The following NOL11 variants were observed in gnomAD, a reference collection of about 807,000 sequenced individuals.
NOL11 encodes nucleolar protein 11.
NOL11 carries 42 observed loss-of-function variants against 93.0 expected under a neutral mutation model. The observed-to-expected ratio is 0.45, with a 90% CI of 0.35 to 0.58. The LOEUF (loss-of-function observed/expected upper bound fraction) is 0.58, where lower values mean the gene tolerates loss of function less well. NOL11 is among the 20% of genes least tolerant of loss of function. The pLI, the probability that NOL11 is intolerant of heterozygous loss-of-function variation, is 0.00. For synonymous variants in NOL11, 296 were observed against 293.7 expected, an observed-to-expected ratio of 1.01 and a Z score of -0.08; for missense variants, 775 against 841.8, an observed-to-expected ratio of 0.92 and a Z score of 0.98.
chr17:67,743,399 GTTTA>G (rs1461962303), intron 16 of NOL11, 76 bp from the exon 17 acceptor site: 3 of 579,292 alleles, frequency 5.2e-6, no homozygotes, highest in East Asian at 5.9e-5. Flanking sequence ...TCTCATAACT[GTTTA>G]TTTATGGACT....
chr17:67,719,561 T>C (rs1334156392), intron 1 of NOL11, 113 bp from the exon 2 acceptor site: 2 of 608,628 alleles, frequency 3.3e-6, no homozygotes, highest in Non-Finnish European at 5.7e-6. Context: ...CCTCGGCCAG[T>C]AAATTTTTTA....
chr17:67,730,922 C>T (rs2055148616), intron 7 of NOL11, among the ~76,000 whole-genome samples: 1 of 152,228 alleles, frequency 6.6e-6, no homozygotes, highest in African/African-American at 2.4e-5. Flanking sequence ...TGCATTCTTG[C>T]TCACACGTGG....
intron 1 of NOL11, among the ~76,000 whole-genome samples, chr17:67,718,382 A>G (rs887154904): frequency 6.6e-5 from 10 of 152,128 alleles, no homozygotes; most frequent in Non-Finnish European, 1.3e-4. Context: ...GGCCTTGCTA[A>G]GATTCCCTCC....
rs1019222989 is a variant in NOL11, at chr17:67,729,605, G to T, written c.853+2957G>T. Reference sequence around the variant, plus strand: ...AATACTTTTTTTTTTTTGAGGCAGAGTCTTGCTCTGTCTCCCAGGCTGGAG... The same window carrying T: ...AATACTTTTTTTTTTTTGAGGCAGATTCTTGCTCTGTCTCCCAGGCTGGAG... On this transcript the variant is annotated intron_variant, in intron 7 of 17. Transcript: ENST00000253247. Among the ~76,000 whole-genome samples, 6 of 151,186 alleles carry T rather than the reference G, an allele frequency of 4.0e-5. No individual in the cohort carries two copies. In the East Asian group the frequency reaches 1.2e-3, roughly 30 times the overall value.
At chr17:67,727,547 C>G (rs1269199624) in intron 7 of NOL11, among the ~76,000 whole-genome samples, 5 of 152,230 alleles carry the variant, frequency 3.3e-5, no homozygotes, top group South Asian at 4.1e-4. Flanking sequence ...ATCCCAGCTA[C>G]TCAGGGGGCT....
At position 67,737,129 on chromosome 17, in the gene NOL11, T is replaced by G; in HGVS notation, c.1202T>G (p.Leu401Arg). The part of the protein sequence containing the change: ...LQPEVPPSKQ[L>R]LSTIMKDSEK... ...CCAGAGGTTCCACCATCCAAACAAC[T>G]TTTGTCAACCATAATGGTAAATAAA... is the stretch of plus-strand genomic sequence containing the variant. Residue 401 changes from leucine to arginine, a missense_variant, in exon 11 of 18, where the codon CTT becomes CGT. Leu to Arg is a moderately radical substitution (Grantham distance 102). Transcript: ENST00000253247. 1.2e-6 allele frequency: 2 copies of G among 1,607,348 alleles called. No homozygotes were observed. Among genetic ancestry groups the G allele is most frequent in the African/African-American group, 2.7e-5 (2 of 74,944 alleles).
intron 11 of NOL11, 45 bp downstream of exon 11, chr17:67,737,190 C>T: frequency 1.7e-6 from 2 of 1,172,120 alleles, no homozygotes; most frequent in Non-Finnish European, 2.6e-6. Context: ...CTCAAGTGTT[C>T]CAAAGAAATC....
rs747331649 is a variant in NOL11, at chr17:67,738,085, A to G, written c.1530-37A>G. On this transcript the variant is annotated intron_variant, in intron 13 of 17. Transcript: ENST00000253247. ...TGAAATTTTTCCCAAAAGCTTGGTG[A>G]TAAGGATTAACCTCTTGCTTTCAAC... The G allele has an allele frequency of 1.9e-6, 3 of 1,559,092 alleles. No homozygotes were observed. In the South Asian group the frequency reaches 3.5e-5, roughly 18 times the overall value.
rs1353381494 is a variant in NOL11, at chr17:67,724,142, A to C, written c.613A>C (p.Lys205Gln). 1 of 1,592,618 alleles carries C rather than the reference A, an allele frequency of 6.3e-7. No homozygotes were observed. Among genetic ancestry groups the C allele is most frequent in the East Asian group, 2.2e-5 (1 of 44,738 alleles). ...TGGACAAGACGAAAACTCTGTTATA[A>C]AGAGTTTTACTGCATCTGTAGATCG... ...LLGQDENSVI[K>Q]SFTASVDRKF... Residue 205 changes from lysine (K) to glutamine (Q), a missense_variant, in exon 6 of 18, where the codon AAG becomes CAG. Around this residue, in one of 2 missense-constraint regions of NOL11, gnomAD observed 359 missense variants for 316.5 expected, o/e 1.13. Transcript: ENST00000253247.
chr17:67,726,711 T>C, intron 7 of NOL11, 63 bp downstream of exon 7: 1 of 1,219,818 alleles, frequency 8.2e-7, no homozygotes, highest in South Asian at 1.9e-5. Context: ...TACCTTTTAG[T>C]CTTCCTTTTC....
chr17:67,726,403 T>C (rs1165684612), intron 6 of NOL11, 57 bp from the exon 7 acceptor site: 1 of 1,400,180 alleles, frequency 7.1e-7, no homozygotes, highest in East Asian at 2.5e-5. Flanking sequence ...TACATTTAAC[T>C]GTAATAGATA....
At chr17:67,739,905 C>T (rs114078234) in intron 16 of NOL11, among the ~76,000 whole-genome samples, 3,849 of 152,246 alleles carry the variant, frequency 0.025, 145 homozygotes, top group African/African-American at 0.087. Context: ...CAGGAAGGGG[C>T]TGATAATATA....
chr17:67,738,411 C>A, intron 14 of NOL11, 56 bp downstream of exon 14: 3 of 1,097,408 alleles, frequency 2.7e-6, no homozygotes, highest in South Asian at 1.4e-5. Context: ...TAGTTATATG[C>A]CAAGCAGTAA....
At chr17:67,730,489 T>A (rs2055143730) in intron 7 of NOL11, among the ~76,000 whole-genome samples, 1 of 152,154 alleles carries the variant, frequency 6.6e-6, no homozygotes, top group South Asian at 2.1e-4. Context: ...CTCAATCTCC[T>A]GACCTCATGA....
Position 67,722,599 on chromosome 17 carries a change from G to C in NOL11, c.481G>C (p.Val161Leu). The change falls in exon 5 of 18, where the codon GTA becomes CTA. Residue 161 changes from valine to leucine, a missense_variant. By Grantham distance (32) the Val-to-Leu change is conservative. Transcript: ENST00000253247. Reference sequence around the variant, plus strand: ...TTGTAGATGGACAAAGTTTTTCGTAGTATTCAGACATCCTGTTTTAATTTT... The same window carrying C: ...TTGTAGATGGACAAAGTTTTTCGTACTATTCAGACATCCTGTTTTAATTTT... Reference protein sequence around the residue: ...EVIKWTKFFVVFRHPVLIFIT... With the variant: ...EVIKWTKFFVLFRHPVLIFIT... 1.3e-6 allele frequency: 2 copies of C among 1,571,460 alleles called. No individual in the cohort carries two copies. The highest frequency in any genetic ancestry group is 2.8e-5 in the African/African-American group (2 of 71,478).
intron 14 of NOL11, chr17:67,738,677 T>TA: frequency 1.1e-5 from 5 of 451,964 alleles, no homozygotes; most frequent in Non-Finnish European, 1.5e-5. Flanking sequence ...TACATCAGAT[T>TA]TAAAAAAAAA....
rs761055029 is a variant in NOL11, at chr17:67,726,614, C to T, written c.819C>T (p.Val273=). 25 of 1,613,074 alleles carry T rather than the reference C, an allele frequency of 1.5e-5. No homozygotes were observed. Among genetic ancestry groups the T allele is most frequent in the African/African-American group, 1.2e-4 (9 of 74,984 alleles). The change falls in exon 7 of 18, where the codon GTC becomes GTT. Residue 273 remains valine (V), a synonymous_variant. Coordinates refer to ENST00000253247, the MANE Select transcript of NOL11 (RefSeq NM_015462.5). ...TCACTGCCCTGGATCAGGATCACGTCGCAGTCCTAGGAAGTCCACTAGCAG... is the reference window on the plus strand; with the variant it reads ...TCACTGCCCTGGATCAGGATCACGTTGCAGTCCTAGGAAGTCCACTAGCAG... ...VALTALDQDH[V]AVLGSPLAAS...
At chr17:67,729,761 A>G (rs1032805622) in intron 7 of NOL11, among the ~76,000 whole-genome samples, 1 of 148,348 alleles carries the variant, frequency 6.7e-6, no homozygotes, top group African/African-American at 2.5e-5. Context: ...TTGTATTTTT[A>G]GTAGAGACGG....
chr17:67,734,339 C>G (rs1343069049), intron 7 of NOL11, 24 bp from the exon 8 acceptor site: 2 of 1,399,412 alleles, frequency 1.4e-6, no homozygotes, highest in Non-Finnish European at 1.0e-6. Flanking sequence ...GGACTTTTTT[C>G]TGAATTTATG....
Sources: allele counts gnomAD v4.1 joint callset (sites outside exome capture counted in the v4.1 genomes callset), GRCh38; gene constraint gnomAD v4.1.1; regional missense constraint gnomAD v4.1.1; transcripts MANE v1.5; gene names NCBI Gene and HGNC (gene_info 2026-07-23, HGNC 2026-07-21).